ZNF827: variants seen among roughly 807,000 people sequenced by gnomAD.
The protein encoded by ZNF827 is zinc finger protein 827.
ZNF827 carries 13 observed loss-of-function variants against 102.4 expected under a neutral mutation model. The ratio of observed to expected loss-of-function variants is 0.13; its 90% CI spans 0.08 to 0.20. The LOEUF is 0.20. ZNF827 is among the 10% of genes least tolerant of loss of function. The probability of loss-of-function intolerance (pLI) is 1.00; values close to 1 mark genes in which losing one functional copy is unlikely to be tolerated. For synonymous variants in ZNF827, 523 were observed against 536.2 expected (o/e 0.98, Z 0.34); for missense variants, 1,103 against 1,344.4 (o/e 0.82, Z 2.81).
chr4:145,857,424 G>A (rs1030793213), intron 5 of ZNF827, among the ~76,000 whole-genome samples: 19 of 152,128 alleles, frequency 1.2e-4, no homozygotes, highest in African/African-American at 4.1e-4. Flanking sequence ...TTACTCTTAC[G>A]TAGATTTTTA....
At position 145,772,847 on chromosome 4, in the gene ZNF827, A is replaced by G. The variant is rs545984118; in HGVS notation, c.2860+1659T>C. ...TAGACAATGAGCCCTGAATCCTGCTACATCAGAGAGAACAAGATCTTTGCT... is the reference window on the plus strand; with the variant it reads ...TAGACAATGAGCCCTGAATCCTGCTGCATCAGAGAGAACAAGATCTTTGCT... On this transcript the variant is annotated intron_variant, in intron 11 of 14. Transcript: ENST00000508784. 4.6e-5 allele frequency among the ~76,000 whole-genome samples: 7 copies of G among 152,400 alleles called. No homozygotes were observed. In the South Asian group the frequency reaches 1.0e-3, roughly 23 times the overall value.
chr4:145,808,926 AAGTAGCTGGGACTACAG>A (rs1395813926), intron 8 of ZNF827, among the ~76,000 whole-genome samples: 1 of 152,158 alleles, frequency 6.6e-6, no homozygotes, highest in Non-Finnish European at 1.5e-5. Flanking sequence ...TCAGCCTCCC[AAGTAGCTGGGACTACAG>A]GTATACACGA....
In ZNF827 at chr4:145,903,059, G is replaced by A. The variant is rs866079498; in HGVS notation, c.200C>T (p.Pro67Leu). The change falls in exon 2 of 15, where the codon CCG (proline) becomes CTG (leucine). Residue 67 changes from proline (P) to leucine (L), a missense_variant. Physicochemically the swap from Pro to Leu is moderately conservative, Grantham distance 98 (BLOSUM62 -3). Coordinates refer to ENST00000508784, the MANE Select transcript of ZNF827 (RefSeq NM_001306215.2). ...EDRIQEQSTS[P>L]DTSLGSTTPS... ...AGTCGTGCTTCCCAAGGAGGTGTCCGGGGACGTGGACTGCTCCTGGATCCG... is the reference window on the plus strand; with the variant it reads ...AGTCGTGCTTCCCAAGGAGGTGTCCAGGGACGTGGACTGCTCCTGGATCCG... 10 of 1,614,158 alleles carry A rather than the reference G, an allele frequency of 6.2e-6. No homozygotes were observed. The highest frequency in any genetic ancestry group is 1.7e-5 in the Admixed American group (1 of 60,022).
intron 8 of ZNF827, among the ~76,000 whole-genome samples, chr4:145,805,206 T>A (rs556059654): frequency 6.6e-6 from 1 of 151,978 alleles, no homozygotes; most frequent in Non-Finnish European, 1.5e-5. Flanking sequence ...AGGCATTCCC[T>A]CTTCTAGAAG....
chr4:145,807,574 G>A (rs1741578620), intron 8 of ZNF827, among the ~76,000 whole-genome samples: 1 of 151,574 alleles, frequency 6.6e-6, no homozygotes, highest in Non-Finnish European at 1.5e-5. Flanking sequence ...CTGGGTTCAA[G>A]CAGTTCTCTG....
At chr4:145,777,260 A>G (rs1737254673) in intron 9 of ZNF827, among the ~76,000 whole-genome samples, 1 of 152,218 alleles carries the variant, frequency 6.6e-6, no homozygotes. Context: ...TTGTATGAAT[A>G]AGTGAGGTTG....
intron 6 of ZNF827, among the ~76,000 whole-genome samples, chr4:145,846,501 C>CACA (rs559803343): frequency 5.6e-4 from 79 of 142,208 alleles, no homozygotes; most frequent in African/African-American, 1.2e-3. Flanking sequence ...AACAAAAAAA[C>CACA]ACAACAACAA....
intron 1 of ZNF827, among the ~76,000 whole-genome samples, chr4:145,918,804 A>G (rs1043080606): frequency 5.3e-5 from 8 of 152,296 alleles, no homozygotes; most frequent in Admixed American, 4.6e-4. Flanking sequence ...AAAGACAAGG[A>G]AGGGTTCCAC....
intron 8 of ZNF827, among the ~76,000 whole-genome samples, chr4:145,812,651 C>T (rs1042253702): frequency 3.9e-5 from 6 of 152,136 alleles, no homozygotes; most frequent in Non-Finnish European, 8.8e-5. Flanking sequence ...TCTCAGCCTC[C>T]TGGGTAGGTG....
intron 7 of ZNF827, among the ~76,000 whole-genome samples, chr4:145,829,850 A>AT (rs1332839545): frequency 2.0e-5 from 3 of 152,172 alleles, no homozygotes; most frequent in Non-Finnish European, 4.4e-5. Flanking sequence ...ACATCATGTT[A>AT]TTTTTTAAGA....
rs1469913110 is a variant in ZNF827, at chr4:145,759,493, A to C, written c.*2123T>G. ...CAAAATGGAATACAGAATTACTAAT[A>C]ACATGGAGGATACCACGATTAGCCA... On this transcript the variant is annotated 3_prime_UTR_variant, in exon 15 of 15. Coordinates refer to ENST00000508784, the MANE Select transcript of ZNF827 (RefSeq NM_001306215.2). The C allele has an allele frequency of 6.6e-6, 1 of 152,200 alleles. No individual in the cohort carries two copies. Among genetic ancestry groups the C allele is most frequent in the Non-Finnish European group, 1.5e-5 (1 of 68,028 alleles). 9.4% of individuals were successfully genotyped at this position (152,200 alleles called of 1,614,324 possible). A position where few individuals can be genotyped will look rare whatever the true frequency, so the allele number is the denominator to read the frequency against.
intron 1 of ZNF827, among the ~76,000 whole-genome samples, chr4:145,936,526 A>C (rs1416104616): frequency 6.6e-6 from 1 of 152,108 alleles, no homozygotes; most frequent in African/African-American, 2.4e-5. Context: ...GGGGAAAGAA[A>C]GAGGAATGTT....
chr4:145,868,537 C>T (rs1188296175), intron 5 of ZNF827, among the ~76,000 whole-genome samples: 1 of 152,202 alleles, frequency 6.6e-6, no homozygotes, highest in East Asian at 1.9e-4. Context: ...CCACTGCTGT[C>T]CACAAATATC....
At chr4:145,794,879 T>C (rs966717304) in intron 8 of ZNF827, among the ~76,000 whole-genome samples, 5 of 152,072 alleles carry the variant, frequency 3.3e-5, no homozygotes, top group African/African-American at 1.2e-4. Context: ...CAAGAAACCA[T>C]GGGTTAAAAA....
chr4:145,900,007 G>T (rs1412391757), intron 2 of ZNF827, among the ~76,000 whole-genome samples: 3 of 152,192 alleles, frequency 2.0e-5, no homozygotes, highest in Non-Finnish European at 4.4e-5. Context: ...CCACTGAGTT[G>T]CTGGCATAGA....
At chr4:145,792,972 T>C (rs1352994818) in intron 8 of ZNF827, among the ~76,000 whole-genome samples, 1 of 152,000 alleles carries the variant, frequency 6.6e-6, no homozygotes, top group Non-Finnish European at 1.5e-5. Flanking sequence ...TGTAGGTTGT[T>C]TGTGTGTTGA....
intron 2 of ZNF827, among the ~76,000 whole-genome samples, chr4:145,896,624 G>C (rs916655133): frequency 1.3e-5 from 2 of 152,160 alleles, no homozygotes; most frequent in South Asian, 4.1e-4. Flanking sequence ...AGGAAAAGAC[G>C]CAGGAGGCTG....
chr4:145,904,036 A>G (rs1751635488), intron 1 of ZNF827, among the ~76,000 whole-genome samples: 1 of 152,034 alleles, frequency 6.6e-6, no homozygotes, highest in Admixed American at 6.6e-5. Flanking sequence ...GTGTCTTTTC[A>G]TTATTTTCTA....
At chr4:145,903,538 G>C (rs555139230) in intron 1 of ZNF827, among the ~76,000 whole-genome samples, 1 of 152,328 alleles carries the variant, frequency 6.6e-6, no homozygotes, top group Admixed American at 6.5e-5. Context: ...GAAATGGAAA[G>C]AAGCCTATAT....
Sources: allele counts gnomAD v4.1 joint callset (sites outside exome capture counted in the v4.1 genomes callset), GRCh38; gene constraint gnomAD v4.1.1; transcripts MANE v1.5; gene names NCBI Gene and HGNC (gene_info 2026-07-23, HGNC 2026-07-21).